The following CCDC178 variants were observed in gnomAD, a reference collection of about 807,000 sequenced individuals.
CCDC178 encodes coiled-coil domain-containing protein 178.
A neutral mutation model predicts 117.4 loss-of-function variants in CCDC178; 126 were observed. The ratio of observed to expected loss-of-function variants is 1.07; its 90% CI spans 0.93 to 1.24. CCDC178 has a LOEUF of 1.24. CCDC178 is among the 50% of genes most tolerant of loss of function. The pLI is 0.00. For synonymous variants in CCDC178, 283 were observed against 313.4 expected, an observed-to-expected ratio of 0.90 and a Z score of 1.02; for missense variants, 1,030 against 986.9, an observed-to-expected ratio of 1.04 and a Z score of -0.59.
At chr18:33,042,808 C>T (rs2056573298) in intron 21 of CCDC178, among the ~76,000 whole-genome samples, 1 of 151,850 alleles carries the variant, frequency 6.6e-6, no homozygotes, top group South Asian at 2.1e-4. Flanking sequence ...AGGCTGTATA[C>T]TCATTGTACT....
At chr18:33,371,540 A>AG (rs2063300263) in intron 5 of CCDC178, among the ~76,000 whole-genome samples, 1 of 151,976 alleles carries the variant, frequency 6.6e-6, no homozygotes, top group Admixed American at 6.6e-5. Context: ...ATGGAGTATA[A>AG]GCTGTGAAGG....
chr18:33,058,673 A>G (rs774319094), intron 21 of CCDC178, among the ~76,000 whole-genome samples: 20 of 152,212 alleles, frequency 1.3e-4, no homozygotes, highest in Admixed American at 3.3e-4. Flanking sequence ...AGGTGTTAAT[A>G]AGGCAGGATG....
upstream of CCDC178, chr18:33,441,022 C>A (rs2064380892): frequency 6.6e-6 from 1 of 152,316 alleles, no homozygotes; most frequent in Non-Finnish European, 1.5e-5. Context: ...GAGGGGATCA[C>A]AGACTTCGTC....
intron 11 of CCDC178, among the ~76,000 whole-genome samples, chr18:33,295,390 T>C (rs544620910): frequency 6.6e-6 from 1 of 152,218 alleles, no homozygotes; most frequent in South Asian, 2.1e-4. Flanking sequence ...TAGGGCAAGA[T>C]TTCTTGTGTG....
chr18:32,966,344 CT>C, intron 22 of CCDC178, among the ~76,000 whole-genome samples: 2 of 151,918 alleles, frequency 1.3e-5, no homozygotes, highest in East Asian at 3.9e-4. Flanking sequence ...TGGAACACAG[CT>C]GCATCCATTT....
intron 20 of CCDC178, among the ~76,000 whole-genome samples, chr18:33,128,852 A>G (rs1205294364): frequency 1.3e-5 from 2 of 152,150 alleles, no homozygotes; most frequent in Non-Finnish European, 2.9e-5. Context: ...CTCTGATTGC[A>G]CCATTTCAAA....
At chr18:33,184,121 T>C (rs1398662203) in intron 20 of CCDC178, among the ~76,000 whole-genome samples, 2 of 152,088 alleles carry the variant, frequency 1.3e-5, no homozygotes, top group African/African-American at 4.8e-5. Flanking sequence ...AGAGGATGTT[T>C]AGATTTGTTT....
At position 33,323,482 on chromosome 18, in the gene CCDC178, A is replaced by C. The variant is rs1253332526; in HGVS notation, c.1022+9T>G. ...AATGCTATAATTAGTGTTTGCGAAA[A>C]ATTCTTACTTGTAGGCCTCTATGGT... On this transcript the variant is annotated intron_variant, in intron 11 of 22. Coordinates refer to ENST00000383096, the MANE Select transcript of CCDC178 (RefSeq NM_001105528.4). The C allele has an allele frequency of 6.9e-7, 1 of 1,454,930 alleles. No homozygotes were observed. Among genetic ancestry groups the C allele is most frequent in the East Asian group, 2.5e-5 (1 of 39,556 alleles). The allele number at this position is 1,454,930 out of a possible 1,614,324, so 90.1% of individuals were successfully genotyped here.
At chr18:33,296,896 C>T (rs1568125398) in intron 11 of CCDC178, among the ~76,000 whole-genome samples, 1 of 152,010 alleles carries the variant, frequency 6.6e-6, no homozygotes, top group Non-Finnish European at 1.5e-5. Context: ...TGGTGTCGTA[C>T]ACCTGTAATC....
intron 11 of CCDC178, among the ~76,000 whole-genome samples, chr18:33,321,700 T>C (rs1363302896): frequency 2.0e-5 from 3 of 151,172 alleles, no homozygotes; most frequent in Non-Finnish European, 4.4e-5. Flanking sequence ...AATAATCAAA[T>C]TCAAGAAATA....
chr18:32,974,742 T>C lies in CCDC178; in HGVS notation c.2389-61A>G. The C allele has an allele frequency of 3.3e-6, 5 of 1,532,406 alleles. No individual in the cohort carries two copies. In the South Asian group the frequency reaches 5.7e-5, roughly 17 times the overall value. The allele number at this position is 1,532,406 out of a possible 1,614,324, so 94.9% of individuals were successfully genotyped here. On this transcript the variant is annotated intron_variant, in intron 21 of 22. Transcript: ENST00000383096. ...GAGGAGGAGAGGAAATTAATGGCAG[T>C]GTTCAAGAAGAATGATGGAGGGAAA...
At chr18:33,358,700 T>C (rs534374359) in intron 6 of CCDC178, among the ~76,000 whole-genome samples, 3 of 152,014 alleles carry the variant, frequency 2.0e-5, no homozygotes, top group African/African-American at 7.2e-5. Flanking sequence ...AAAACTGTTA[T>C]AGCATTGTGG....
chr18:33,109,690 T>C (rs1161953373), intron 20 of CCDC178, among the ~76,000 whole-genome samples: 1 of 151,616 alleles, frequency 6.6e-6, no homozygotes, highest in East Asian at 1.9e-4. Context: ...TGGCTGTTTT[T>C]TATAATCATA....
chr18:32,967,711 T>G (rs1398285787), intron 22 of CCDC178, among the ~76,000 whole-genome samples: 1 of 151,712 alleles, frequency 6.6e-6, no homozygotes, highest in Admixed American at 6.6e-5. Context: ...AATTATCTAA[T>G]TTTTTATGGT....
At chr18:33,257,368 C>G (rs919937949) in intron 14 of CCDC178, among the ~76,000 whole-genome samples, 1 of 152,106 alleles carries the variant, frequency 6.6e-6, no homozygotes, top group Non-Finnish European at 1.5e-5. Context: ...TTTCTATTCA[C>G]TTAAGTGCCC....
chr18:33,287,970 T>C (rs2060119699), intron 12 of CCDC178, among the ~76,000 whole-genome samples: 2 of 152,302 alleles, frequency 1.3e-5, no homozygotes, highest in South Asian at 4.1e-4. Context: ...AATTTCAGCA[T>C]GATTATTAAA....
chr18:33,031,676 C>T (rs2144862153), intron 21 of CCDC178, among the ~76,000 whole-genome samples: 1 of 152,018 alleles, frequency 6.6e-6, no homozygotes, highest in South Asian at 2.1e-4. Context: ...TTGTTTCCAT[C>T]CTCTTTCTTT....
At position 33,253,833 on chromosome 18, in the gene CCDC178, AG is replaced by A. The variant is rs1334585522; in HGVS notation, c.1410-8406del. Among the ~76,000 whole-genome samples, 3 of 151,822 alleles carry A rather than the reference AG, an allele frequency of 2.0e-5. No individual in the cohort carries two copies. In the East Asian group the frequency reaches 5.8e-4, roughly 29 times the overall value. On this transcript the variant is annotated intron_variant, in intron 14 of 22. Transcript: ENST00000383096. Reference sequence around the variant, plus strand: ...CTGATTGCTCCTTATGTAATTGGGGAGGATGGTTTCATACTCAATATCCTTA... The same window carrying A: ...CTGATTGCTCCTTATGTAATTGGGGAGATGGTTTCATACTCAATATCCTTA...
chr18:33,118,645 C>A (rs1483275257), intron 20 of CCDC178, among the ~76,000 whole-genome samples: 1 of 152,118 alleles, frequency 6.6e-6, no homozygotes, highest in Non-Finnish European at 1.5e-5. Flanking sequence ...TCAATGCCAT[C>A]CCCATCAAGC....
Sources: gnomAD v4.1 joint callset for allele counts (sites outside exome capture counted in the v4.1 genomes callset) on GRCh38, gnomAD v4.1.1 for gene constraint, MANE v1.5 for transcripts, NCBI Gene and HGNC (gene_info 2026-07-23, HGNC 2026-07-21) for gene names.